The following PBLD variants were observed in gnomAD, a reference collection of about 807,000 sequenced individuals.
PBLD encodes phenazine biosynthesis like protein domain containing, also known as phenazine biosynthesis-like domain-containing protein.
PBLD carries 26 observed loss-of-function variants against 31.3 expected under a neutral mutation model. That is an observed-to-expected ratio of 0.83 (90% CI 0.61 to 1.15). PBLD has a LOEUF of 1.15. Among genes scored for constraint, PBLD ranks in the 50% most tolerant of loss-of-function variants. The probability of loss-of-function intolerance (pLI) is 0.00; values close to 1 mark genes in which losing one functional copy is unlikely to be tolerated. For missense variants in PBLD, 307 were observed against 351.7 expected, an observed-to-expected ratio of 0.87 and a Z score of 1.02; for synonymous variants, 114 against 129.0, an observed-to-expected ratio of 0.88 and a Z score of 0.79.
chr10:68,306,931 A>T (rs1385428913), intron 1 of PBLD, 28 bp from the exon 2 acceptor site: 1 of 1,056,066 alleles, frequency 9.5e-7, no homozygotes, highest in Non-Finnish European at 1.4e-6. Flanking sequence ...TCAAAAAGTT[A>T]ATGTTTTACT....
intron 6 of PBLD, among the ~76,000 whole-genome samples, chr10:68,290,347 A>G (rs2044343045): frequency 6.6e-6 from 1 of 152,158 alleles, no homozygotes; most frequent in South Asian, 2.1e-4. Flanking sequence ...GGGAACTCCT[A>G]CAGCCGGATC....
chr10:68,309,819 AAAAG>A (rs1298505310), intron 1 of PBLD, among the ~76,000 whole-genome samples: 3 of 125,206 alleles, frequency 2.4e-5, no homozygotes, highest in Non-Finnish European at 4.9e-5. Context: ...AAAAAAAAAA[AAAAG>A]AAAGAAAGAA....
At chr10:68,316,791 T>C (rs1000152563) in intron 1 of PBLD, among the ~76,000 whole-genome samples, 1 of 152,094 alleles carries the variant, frequency 6.6e-6, no homozygotes, top group African/African-American at 2.4e-5. Context: ...GGAGGGCAGA[T>C]TGCCTGAGCT....
intron 2 of PBLD, among the ~76,000 whole-genome samples, chr10:68,304,294 G>T (rs193049380): frequency 3.9e-4 from 60 of 152,282 alleles, no homozygotes; most frequent in African/African-American, 1.4e-3. Flanking sequence ...ACAAAGAGGC[G>T]TAGCAAACTA....
chr10:68,318,547 C>A (rs914556038), intron 1 of PBLD, among the ~76,000 whole-genome samples: 4 of 149,678 alleles, frequency 2.7e-5, no homozygotes, highest in Non-Finnish European at 4.4e-5. Context: ...AAGACAACTG[C>A]ATAAAGCAAT....
At chr10:68,324,963 G>A (rs2044893731) in intron 1 of PBLD, among the ~76,000 whole-genome samples, 1 of 150,568 alleles carries the variant, frequency 6.6e-6, no homozygotes. Context: ...CACTACATCT[G>A]GGCTAGGTGC....
intron 2 of PBLD, among the ~76,000 whole-genome samples, chr10:68,300,130 A>T (rs1205912209): frequency 2.0e-5 from 3 of 152,048 alleles, no homozygotes; most frequent in African/African-American, 7.2e-5. Context: ...AGCTCAGGCA[A>T]TGCGCCCATA....
At chr10:68,305,406 C>T (rs1456315955) in intron 2 of PBLD, among the ~76,000 whole-genome samples, 1 of 151,550 alleles carries the variant, frequency 6.6e-6, no homozygotes, top group Non-Finnish European at 1.5e-5. Context: ...AGCCACCACA[C>T]CCAGCCCAGT....
At chr10:68,329,396 C>T (rs1348575663) in intron 1 of PBLD, among the ~76,000 whole-genome samples, 1 of 152,144 alleles carries the variant, frequency 6.6e-6, no homozygotes, top group East Asian at 1.9e-4. Context: ...CATAACCACA[C>T]AAAATATGCG....
intron 1 of PBLD, among the ~76,000 whole-genome samples, chr10:68,309,406 C>T (rs1414008697): frequency 8.7e-6 from 1 of 114,706 alleles, no homozygotes; most frequent in Non-Finnish European, 1.6e-5. Context: ...GATTATGTTT[C>T]AAAAAAAAAA....
At chr10:68,291,182 T>C (rs2044353555) in intron 6 of PBLD, among the ~76,000 whole-genome samples, 1 of 152,190 alleles carries the variant, frequency 6.6e-6, no homozygotes, top group Admixed American at 6.5e-5. Context: ...ACCAAGCCCC[T>C]GGTCATCCAG....
chr10:68,288,763 A>G (rs1411732808), intron 7 of PBLD, 102 bp from the exon 8 acceptor site: 10 of 1,363,006 alleles, frequency 7.3e-6, no homozygotes, highest in Middle Eastern at 1.9e-4. Context: ...CAAAGAGCTT[A>G]ACAGGAGGGG....
chr10:68,315,977 G>A (rs2044731800), intron 1 of PBLD, among the ~76,000 whole-genome samples: 1 of 152,042 alleles, frequency 6.6e-6, no homozygotes, highest in African/African-American at 2.4e-5. Context: ...AGTAACTAAA[G>A]AACTCACAAT....
chr10:68,322,176 C>T (rs1345583197), intron 1 of PBLD, among the ~76,000 whole-genome samples: 1 of 152,028 alleles, frequency 6.6e-6, no homozygotes, highest in Non-Finnish European at 1.5e-5. Flanking sequence ...ACCCATAACC[C>T]CTGTCTAATC....
chr10:68,317,950 G>A (rs557855722), intron 1 of PBLD, among the ~76,000 whole-genome samples: 19 of 151,382 alleles, frequency 1.3e-4, no homozygotes, highest in Non-Finnish European at 1.9e-4. Context: ...AAGTAAGGCC[G>A]GGCACGGTGG....
intron 1 of PBLD, among the ~76,000 whole-genome samples, chr10:68,327,559 T>A (rs905027649): frequency 4.7e-5 from 7 of 149,546 alleles, no homozygotes; most frequent in Non-Finnish European, 8.9e-5. Flanking sequence ...ATGCCTGTAA[T>A]CCCACTCAGG....
At chr10:68,295,298 G>T (rs1249594247) in intron 4 of PBLD, among the ~76,000 whole-genome samples, 1 of 151,904 alleles carries the variant, frequency 6.6e-6, no homozygotes, top group African/African-American at 2.4e-5. Context: ...TTTGAGACCA[G>T]CCTGGGCAAC....
intron 2 of PBLD, among the ~76,000 whole-genome samples, chr10:68,300,243 C>G (rs940530271): frequency 2.6e-5 from 4 of 152,100 alleles, no homozygotes; most frequent in Non-Finnish European, 1.5e-5. Context: ...AGAGATAACT[C>G]ATCCCAGTGC....
chr10:68,332,770 C>CT lies in PBLD; in HGVS notation c.-60+13dup. ...ACCGCGGCCTCCCTTCCTCCGCAGT[C>CT]TCGGCAGGGCTACCTGGGCTGACGG... On this transcript the variant is annotated intron_variant, in intron 1 of 9. Transcript: ENST00000358769. 6.6e-6 allele frequency: 1 copy of CT among 152,424 alleles called. No homozygotes were observed. Among genetic ancestry groups the CT allele is most frequent in the East Asian group, 1.9e-4 (1 of 5,182 alleles). The allele number at this position is 152,424 out of a possible 1,614,324, so 9.4% of individuals were successfully genotyped here.
Sources: gnomAD v4.1 joint callset for allele counts (sites outside exome capture counted in the v4.1 genomes callset) on GRCh38, gnomAD v4.1.1 for gene constraint, MANE v1.5 for transcripts, NCBI Gene and HGNC (gene_info 2026-07-23, HGNC 2026-07-21) for gene names.